CADM2: variants seen among roughly 807,000 people sequenced by gnomAD.
CADM2 encodes the protein cell adhesion molecule 2, also known as immunoglobulin superfamily member 4D.
CADM2 carries 12 observed loss-of-function variants against 49.8 expected under a neutral mutation model. That is an observed-to-expected ratio of 0.24 (90% CI 0.15 to 0.39). The LOEUF is 0.39. Ranked by LOEUF, CADM2 falls within the 10% of genes least tolerant of loss-of-function variation. CADM2 has a pLI of 1.00. For missense variants in CADM2, 378 were observed against 492.3 expected (o/e 0.77, Z 2.20); for synonymous variants, 214 against 175.4 (o/e 1.22, Z -1.74).
intron 3 of CADM2, among the ~76,000 whole-genome samples, chr3:85,823,879 C>G (rs1482595807): frequency 6.6e-6 from 1 of 151,986 alleles, no homozygotes; most frequent in Admixed American, 6.6e-5. Flanking sequence ...GCAAGAAAAA[C>G]TAACAAATTG....
At chr3:85,665,443 G>A (rs2107619498) in intron 1 of CADM2, among the ~76,000 whole-genome samples, 1 of 151,920 alleles carries the variant, frequency 6.6e-6, no homozygotes, top group African/African-American at 2.4e-5. Flanking sequence ...ATTATACACA[G>A]GAACTTAGTT....
intron 3 of CADM2, among the ~76,000 whole-genome samples, chr3:85,871,870 C>T (rs1006252087): frequency 6.6e-6 from 1 of 152,076 alleles, no homozygotes; most frequent in Non-Finnish European, 1.5e-5. Flanking sequence ...TTTCTTTTGT[C>T]CAGTTGGAAA....
chr3:85,568,361 T>G (rs985862437), intron 1 of CADM2, among the ~76,000 whole-genome samples: 1 of 151,940 alleles, frequency 6.6e-6, no homozygotes, highest in African/African-American at 2.4e-5. Context: ...CAGTAAAGAG[T>G]GGTAAGGATT....
At chr3:86,014,581 C>G (rs1211912542) in intron 8 of CADM2, 2 of 1,600,226 alleles carry the variant, frequency 1.2e-6, no homozygotes, top group African/African-American at 1.3e-5. Context: ...AGTGTCCCAA[C>G]AGTGGAGCAC....
At position 85,058,702 on chromosome 3, in the gene CADM2, C is replaced by T. The variant is rs1035897783; in HGVS notation, c.61+99034C>T. On this transcript the variant is annotated intron_variant, in intron 1 of 9. Transcript: ENST00000383699. Reference sequence around the variant, plus strand: ...TCAGGTGATCTGCCCACCTCAGCCTCCCAAAGTGCTGGGATTACAGGCATG... The same window carrying T: ...TCAGGTGATCTGCCCACCTCAGCCTTCCAAAGTGCTGGGATTACAGGCATG... Among the ~76,000 whole-genome samples the T allele has an allele frequency of 2.0e-5, 3 of 151,940 alleles. No individual in the cohort carries two copies. The East Asian group carries it at 5.8e-4, about 30-fold the overall frequency.
At chr3:84,963,126 G>T (rs756812081) in intron 1 of CADM2, among the ~76,000 whole-genome samples, 58 of 152,174 alleles carry the variant, frequency 3.8e-4, no homozygotes, top group Admixed American at 7.2e-4. Context: ...TGGAATGTAG[G>T]CTACTTAAAT....
At chr3:85,612,336 A>C (rs2063700902) in intron 1 of CADM2, among the ~76,000 whole-genome samples, 1 of 151,914 alleles carries the variant, frequency 6.6e-6, no homozygotes, top group Admixed American at 6.6e-5. Flanking sequence ...GCATTGCAAA[A>C]GTTGAAATGT....
At chr3:85,964,788 T>C (rs1029747643) in intron 8 of CADM2, among the ~76,000 whole-genome samples, 6 of 151,718 alleles carry the variant, frequency 4.0e-5, no homozygotes, top group Non-Finnish European at 7.4e-5. Context: ...AATGGAAAAA[T>C]TTATCTGTTA....
rs1739495584 is a variant in CADM2 at position 86,067,821 on chromosome 3, T to C, written c.*1038T>C. 6.6e-6 allele frequency: 1 copy of C among 152,478 alleles called. No individual in the cohort carries two copies. The highest frequency in any genetic ancestry group is 2.1e-4 in the South Asian group (1 of 4,832). The allele number at this position is 152,478 out of a possible 1,614,324, so 9.4% of individuals were successfully genotyped here. A position where few individuals can be genotyped will look rare whatever the true frequency, so the allele number is the denominator to read the frequency against. ...AGTAGATAACATGTATTAGTATTTT[T>C]GTCTGTATGTCCTAGCACTGTTCAA... On this transcript the variant is annotated 3_prime_UTR_variant, in exon 10 of 10. Coordinates refer to ENST00000383699, the MANE Select transcript of CADM2 (RefSeq NM_001167675.2).
chr3:86,020,016 C>A (rs1461062867), intron 8 of CADM2, among the ~76,000 whole-genome samples: 5 of 152,072 alleles, frequency 3.3e-5, no homozygotes, highest in Non-Finnish European at 5.9e-5. Flanking sequence ...GAAATAGAGA[C>A]ACAAAAAACC....
chr3:85,124,297 A>G (rs1442933573), intron 1 of CADM2, among the ~76,000 whole-genome samples: 1 of 152,232 alleles, frequency 6.6e-6, no homozygotes, highest in Admixed American at 6.5e-5. Flanking sequence ...AATAAACCCA[A>G]AATAAATTGA....
chr3:85,158,583 C>T (rs1206963520), intron 1 of CADM2, among the ~76,000 whole-genome samples: 14 of 152,030 alleles, frequency 9.2e-5, no homozygotes, highest in Admixed American at 7.2e-4. Context: ...AGTAAACTAT[C>T]GCCAAGAACG....
At chr3:85,551,842 C>G (rs2061810423) in intron 1 of CADM2, among the ~76,000 whole-genome samples, 1 of 152,170 alleles carries the variant, frequency 6.6e-6, no homozygotes, top group Admixed American at 6.5e-5. Context: ...TGTAAATCCA[C>G]TATTTTAGAT....
chr3:85,635,991 G>C (rs944439101), intron 1 of CADM2, among the ~76,000 whole-genome samples: 1 of 152,166 alleles, frequency 6.6e-6, no homozygotes, highest in South Asian at 2.1e-4. Flanking sequence ...TGTGCTGCCA[G>C]TTGTTTAAAA....
intron 1 of CADM2, among the ~76,000 whole-genome samples, chr3:85,528,325 C>T (rs1274229747): frequency 1.9e-5 from 2 of 104,342 alleles, no homozygotes; most frequent in South Asian, 2.8e-4. Context: ...AGCATACTCA[C>T]GCACACTCAC....
At chr3:85,516,170 G>T (rs2060897906) in intron 1 of CADM2, among the ~76,000 whole-genome samples, 1 of 152,088 alleles carries the variant, frequency 6.6e-6, no homozygotes, top group Admixed American at 6.6e-5. Context: ...GGTCAAATTT[G>T]GCCCATGAAG....
At chr3:85,953,288 C>T (rs187199194) in intron 7 of CADM2, among the ~76,000 whole-genome samples, 2 of 151,122 alleles carry the variant, frequency 1.3e-5, no homozygotes, top group Admixed American at 1.3e-4. Context: ...TTATTACTCC[C>T]AACTCAATTA....
intron 1 of CADM2, among the ~76,000 whole-genome samples, chr3:85,102,609 A>G (rs1162774655): frequency 6.6e-6 from 1 of 152,174 alleles, no homozygotes; most frequent in Non-Finnish European, 1.5e-5. Context: ...TTTGAGAAAA[A>G]GTTAAATTGT....
At chr3:85,530,697 G>C (rs1438740218) in intron 1 of CADM2, among the ~76,000 whole-genome samples, 2 of 152,064 alleles carry the variant, frequency 1.3e-5, no homozygotes, top group Non-Finnish European at 2.9e-5. Flanking sequence ...GATTAATACA[G>C]ATAGGGACCA....
Sources: gnomAD v4.1 joint callset for allele counts (sites outside exome capture counted in the v4.1 genomes callset) on GRCh38, gnomAD v4.1.1 for gene constraint, MANE v1.5 for transcripts, NCBI Gene and HGNC (gene_info 2026-07-23, HGNC 2026-07-21) for gene names.